LDLRAP1: variants seen among roughly 807,000 people sequenced by gnomAD.
The protein encoded by LDLRAP1 is low density lipoprotein receptor adaptor protein 1, also known as low density lipoprotein receptor adapter protein 1.
Under a neutral mutation model 37.8 loss-of-function variants are expected in LDLRAP1, and 30 were observed. The observed-to-expected ratio is 0.79, with a 90% CI of 0.59 to 1.08. LDLRAP1 has a LOEUF of 1.08. Ranked by LOEUF, LDLRAP1 falls within the 50% of genes least tolerant of loss-of-function variation. The pLI, the probability that LDLRAP1 is intolerant of heterozygous loss-of-function variation, is 0.00. For synonymous variants in LDLRAP1, 156 were observed against 169.8 expected (o/e 0.92, Z 0.63); for missense variants, 375 against 401.6 (o/e 0.93, Z 0.57).
intron 7 of LDLRAP1, 33 bp downstream of exon 7, chr1:25,563,824 C>G: frequency 6.2e-7 from 1 of 1,612,730 alleles, no homozygotes; most frequent in South Asian, 1.1e-5. Context: ...GATCGGTGAT[C>G]CTCAGCCTGA....
intron 1 of LDLRAP1, among the ~76,000 whole-genome samples, chr1:25,545,117 T>G (rs2043902624): frequency 6.6e-6 from 1 of 152,202 alleles, no homozygotes; most frequent in Admixed American, 6.5e-5. Flanking sequence ...TCACACTGAT[T>G]GCATCCCAAA....
In LDLRAP1 at chr1:25,566,824, G is replaced by A. The variant is rs369749841; in HGVS notation, c.783-24G>A. 23 of 1,599,740 alleles carry A rather than the reference G, an allele frequency of 1.4e-5. 1 individual carries two copies. The East Asian group carries it at 3.4e-4, about 24-fold the overall frequency. On this transcript the variant is annotated intron_variant, in intron 8 of 8. Coordinates refer to ENST00000374338, the MANE Select transcript of LDLRAP1 (RefSeq NM_015627.3). ...CGCGCCAGCCCTCACCCAGGCTCTC[G>A]GCTCACACAGCTCTGCCTTCCAGGC... is the stretch of plus-strand genomic sequence containing the variant.
Position 25,567,265 on chromosome 1 carries a change from C to T in LDLRAP1, c.*273C>T, listed in dbSNP as rs760572761. On this transcript the variant is annotated 3_prime_UTR_variant, in exon 9 of 9. Coordinates refer to ENST00000374338, the MANE Select transcript of LDLRAP1 (RefSeq NM_015627.3). ...TCTGCGTCAGGCACGTCTCCTGCTG[C>T]GTGACATGTGCAGTGCTGTAATCGG... The T allele has an allele frequency of 3.7e-5, 19 of 517,408 alleles. No homozygotes were observed. The highest frequency in any genetic ancestry group is 6.7e-5 in the Non-Finnish European group (19 of 282,940). 32.1% of individuals were successfully genotyped at this position (517,408 alleles called of 1,614,324 possible).
In LDLRAP1 at chr1:25,555,883, G is replaced by A. The variant is rs143141551; in HGVS notation, c.344+911G>A. Among the ~76,000 whole-genome samples the A allele has an allele frequency of 3.3e-5, 5 of 152,326 alleles. No individual in the cohort carries two copies. The highest frequency in any genetic ancestry group is 9.6e-5 in the African/African-American group (4 of 41,566). ...CTCAAGGAGCTTCCACTCTAGTTGG[G>A]TATAGTCGGGAGGAAACAGGAGATA... On this transcript the variant is annotated intron_variant, in intron 3 of 8. Coordinates refer to ENST00000374338, the MANE Select transcript of LDLRAP1 (RefSeq NM_015627.3). This position sits in a 1 kb window ranked among gnomAD's most constrained non-coding sequence, Gnocchi z 4.7.
chr1:25,578,842 T>C, the LDLRAP1 span, among the ~76,000 whole-genome samples: 1 of 152,120 alleles, frequency 6.6e-6, no homozygotes, highest in Non-Finnish European at 1.5e-5. Flanking sequence ...TTTTAAAGAA[T>C]ATAGTGACTC....
chr1:25,551,395 G>A (rs1437889020), intron 1 of LDLRAP1, among the ~76,000 whole-genome samples: 2 of 152,232 alleles, frequency 1.3e-5, no homozygotes, highest in Non-Finnish European at 2.9e-5. Flanking sequence ...TCATGGTCAG[G>A]AGCTTGGGCT....
chr1:25,555,979 C>T lies in LDLRAP1; in HGVS notation c.344+1007C>T, dbSNP rs952775926. ...ATCCCGGAAGGCCTCCCAGGGGAGGCGGCACCTTGCTGGGGCTTGAAGAAT... is the reference window on the plus strand; with the variant it reads ...ATCCCGGAAGGCCTCCCAGGGGAGGTGGCACCTTGCTGGGGCTTGAAGAAT... On this transcript the variant is annotated intron_variant, in intron 3 of 8. Transcript: ENST00000374338. The surrounding 1 kb of genome is among the most constrained non-coding windows in gnomAD (Gnocchi z 4.7). Among the ~76,000 whole-genome samples the T allele has an allele frequency of 7.9e-5, 12 of 151,986 alleles. No individual in the cohort carries two copies. The highest frequency in any genetic ancestry group is 2.4e-4 in the African/African-American group (10 of 41,354).
At chr1:25,571,303 A>G (rs11247959), downstream of LDLRAP1, among the ~76,000 whole-genome samples, 3,638 of 152,300 alleles carry the variant, frequency 0.024, 153 homozygotes, top group African/African-American at 0.082. Context: ...TTCTCTGGAC[A>G]TGCCTAGTTT....
chr1:25,576,790 G>A, the LDLRAP1 span, among the ~76,000 whole-genome samples: 8 of 152,248 alleles, frequency 5.3e-5, no homozygotes, highest in African/African-American at 1.7e-4. Flanking sequence ...CCCTTCAGTG[G>A]AAACTGAGAT....
At chr1:25,545,206 T>G (rs893152801) in intron 1 of LDLRAP1, among the ~76,000 whole-genome samples, 2 of 151,916 alleles carry the variant, frequency 1.3e-5, no homozygotes, top group East Asian at 3.9e-4. Context: ...ATCCTGCGGG[T>G]TTTCTCCAGG....
At chr1:25,549,823 G>A (rs1197744484) in intron 1 of LDLRAP1, 1 of 152,430 alleles carries the variant, frequency 6.6e-6, no homozygotes, top group Non-Finnish European at 1.5e-5. Context: ...TTTCTGTGGG[G>A]AGGGTGTGGG....
the LDLRAP1 span, among the ~76,000 whole-genome samples, chr1:25,580,120 CAGA>C: frequency 6.6e-6 from 1 of 152,206 alleles, no homozygotes; most frequent in African/African-American, 2.4e-5. Flanking sequence ...GGTGTCCCTA[CAGA>C]AGATGTCTGC....
Position 25,562,703 on chromosome 1 carries a change from G to C in LDLRAP1, c.519G>C (p.Gln173His). The C allele has an allele frequency of 1.2e-6, 2 of 1,614,114 alleles. No homozygotes were observed. Among genetic ancestry groups the C allele is most frequent in the Non-Finnish European group, 1.7e-6 (2 of 1,179,960 alleles). ...TCAAAGTCGCCTTTGAGTTTTGGCA[G>C]GTGTCCAAGGAAGGTGAGACTTTGC... is the stretch of plus-strand genomic sequence containing the variant. Reference protein sequence around the residue: ...QAFKVAFEFWQVSKEEKEKRD... With the variant: ...QAFKVAFEFWHVSKEEKEKRD... Residue 173 changes from glutamine (Q) to histidine (H), a missense_variant, in exon 5 of 9, where the codon CAG (glutamine) becomes CAC (histidine). Transcript: ENST00000374338.
chr1:25,552,140 G>T (rs1396737769), intron 1 of LDLRAP1, among the ~76,000 whole-genome samples: 1 of 152,170 alleles, frequency 6.6e-6, no homozygotes, highest in Non-Finnish European at 1.5e-5. Flanking sequence ...AGGGCTCTAG[G>T]ATAGGAGCTG....
At chr1:25,562,506 C>T in intron 4 of LDLRAP1, 138 bp from the exon 5 acceptor site, 2 of 732,246 alleles carry the variant, frequency 2.7e-6, no homozygotes, top group Non-Finnish European at 4.8e-6. Context: ...AGCAGGCATT[C>T]CAGAGCCTGG....
In LDLRAP1 at chr1:25,543,625, CCGCAGGGCCGG is replaced by C; in HGVS notation, c.-73_-63del. 1.9e-6 allele frequency: 2 copies of C among 1,078,048 alleles called. No individual in the cohort carries two copies. 66.8% of individuals were successfully genotyped at this position (1,078,048 alleles called of 1,614,324 possible). A position where few individuals can be genotyped will look rare whatever the true frequency, so the allele number is the denominator to read the frequency against. On this transcript the variant is annotated 5_prime_UTR_variant, in exon 1 of 9. Transcript: ENST00000374338. ...AGGGGAGGAGCGCGCAGCCCGCGCGCCGCAGGGCCGGGCGGAAAGTTTTTCCTGACGGAGTT... is the reference window on the plus strand; with the variant it reads ...AGGGGAGGAGCGCGCAGCCCGCGCGCGCGGAAAGTTTTTCCTGACGGAGTT...
At chr1:25,576,592 A>T in the LDLRAP1 span, among the ~76,000 whole-genome samples, 1 of 152,238 alleles carries the variant, frequency 6.6e-6, no homozygotes, top group Admixed American at 6.5e-5. Flanking sequence ...GGTGAAAGGA[A>T]AGCAGAGCGC....
chr1:25,583,163 G>T, the LDLRAP1 span, among the ~76,000 whole-genome samples: 1 of 150,546 alleles, frequency 6.6e-6, no homozygotes, highest in East Asian at 1.9e-4. Flanking sequence ...TGTAGGTGAG[G>T]TGTTTTTTTT....
chr1:25,543,862 G>A, intron 1 of LDLRAP1, 76 bp downstream of exon 1: 1 of 994,692 alleles, frequency 1.0e-6, no homozygotes, highest in Admixed American at 4.6e-5. Context: ...CGCCCGGAGT[G>A]CGGCCAAGTT....
Sources: allele counts gnomAD v4.1 joint callset (sites outside exome capture counted in the v4.1 genomes callset), GRCh38; gene constraint gnomAD v4.1.1; non-coding constraint Gnocchi (gnomAD v3.1); transcripts MANE v1.5; gene names NCBI Gene and HGNC (gene_info 2026-07-23, HGNC 2026-07-21).